Variants in FILIP1 observed in about 807,000 individuals in gnomAD.
The protein encoded by FILIP1 is filamin-A-interacting protein 1.
Under a neutral mutation model 102.1 loss-of-function variants are expected in FILIP1, and 61 were observed. The ratio of observed to expected loss-of-function variants is 0.60; its 90% CI spans 0.49 to 0.74. The LOEUF is 0.74. Ranked by LOEUF, FILIP1 falls within the 30% of genes least tolerant of loss-of-function variation. The pLI is 0.00. For synonymous variants in FILIP1, 491 were observed against 526.9 expected, an observed-to-expected ratio of 0.93 and a Z score of 0.93; for missense variants, 1,314 against 1,441.2, an observed-to-expected ratio of 0.91 and a Z score of 1.43.
At chr6:75,478,049 A>G (rs1315387889) in intron 1 of FILIP1, among the ~76,000 whole-genome samples, 1 of 152,200 alleles carries the variant, frequency 6.6e-6, no homozygotes, top group Non-Finnish European at 1.5e-5. Flanking sequence ...ACTTCTCTTT[A>G]CCTGTGGGTA....
chr6:75,475,021 A>T (rs1172534999), intron 1 of FILIP1, among the ~76,000 whole-genome samples: 1 of 152,098 alleles, frequency 6.6e-6, no homozygotes, highest in Non-Finnish European at 1.5e-5. Flanking sequence ...AGAGCCAAGC[A>T]TATGCCAGCA....
intron 4 of FILIP1, among the ~76,000 whole-genome samples, chr6:75,344,992 C>T (rs1774528590): frequency 6.6e-6 from 1 of 152,180 alleles, no homozygotes. Context: ...TCTAGAGAAA[C>T]TGTGCCAACA....
At chr6:75,402,325 G>C (rs978389027) in intron 2 of FILIP1, among the ~76,000 whole-genome samples, 1 of 152,132 alleles carries the variant, frequency 6.6e-6, no homozygotes, top group African/African-American at 2.4e-5. Flanking sequence ...AATCAGATCT[G>C]GTTCTGATTT....
chr6:75,457,011 G>GA (rs1242976423), intron 1 of FILIP1, among the ~76,000 whole-genome samples: 3 of 152,032 alleles, frequency 2.0e-5, no homozygotes, highest in African/African-American at 7.2e-5. Context: ...GGAAAGCACT[G>GA]AAAAAACCTT....
At chr6:75,306,715 A>G (rs868381368), downstream of FILIP1, among the ~76,000 whole-genome samples, 1 of 151,872 alleles carries the variant, frequency 6.6e-6, no homozygotes, top group African/African-American at 2.4e-5. Flanking sequence ...TCCCATTACT[A>G]TGGCAGGTCT....
chr6:75,351,821 C>T (rs558794051), intron 4 of FILIP1, among the ~76,000 whole-genome samples: 1 of 152,328 alleles, frequency 6.6e-6, no homozygotes, highest in Non-Finnish European at 1.5e-5. Flanking sequence ...AATTTATACT[C>T]TCCTTAGAAC....
chr6:75,305,366 C>T (rs183398089), downstream of FILIP1, among the ~76,000 whole-genome samples: 7 of 152,292 alleles, frequency 4.6e-5, no homozygotes, highest in Admixed American at 2.0e-4. Context: ...TATTCTTAGA[C>T]TTGTTTTCAT....
rs758535010 is a variant in FILIP1, at chr6:75,362,729, G to A, written c.450+15C>T. 2 of 1,609,956 alleles carry A rather than the reference G, an allele frequency of 1.2e-6. No homozygotes were observed. Among genetic ancestry groups the A allele is most frequent in the South Asian group, 1.1e-5 (1 of 91,010 alleles). On this transcript the variant is annotated intron_variant, in intron 3 of 5. Transcript: ENST00000237172. ...AGGTTCCCATCCAGGGGACTTGTTG[G>A]TGTCATATTTTTACCTCTGAAATCG...
At chr6:75,375,776 G>A (rs1425050910) in intron 2 of FILIP1, among the ~76,000 whole-genome samples, 1 of 152,042 alleles carries the variant, frequency 6.6e-6, no homozygotes, top group East Asian at 1.9e-4. Context: ...AATTTCTTTG[G>A]GTTTACTGTG....
At chr6:75,462,169 T>C in intron 1 of FILIP1, among the ~76,000 whole-genome samples, 1 of 152,206 alleles carries the variant, frequency 6.6e-6, no homozygotes, top group East Asian at 1.9e-4. Flanking sequence ...TCTAAGTATC[T>C]CATCTCTTTA....
At chr6:75,396,896 G>C (rs1776478528) in intron 2 of FILIP1, among the ~76,000 whole-genome samples, 1 of 151,744 alleles carries the variant, frequency 6.6e-6, no homozygotes, top group African/African-American at 2.4e-5. Context: ...ACTTCAGGCT[G>C]ACACGTTATG....
intron 1 of FILIP1, among the ~76,000 whole-genome samples, chr6:75,444,190 C>T (rs1489503577): frequency 6.6e-6 from 1 of 152,198 alleles, no homozygotes; most frequent in Non-Finnish European, 1.5e-5. Context: ...TTTTCAGATA[C>T]ATTTCCCTCA....
intron 1 of FILIP1, among the ~76,000 whole-genome samples, chr6:75,453,090 A>T (rs540079760): frequency 6.6e-6 from 1 of 152,350 alleles, no homozygotes; most frequent in African/African-American, 2.4e-5. Flanking sequence ...AGCCAAGGTT[A>T]GTACATCTTG....
chr6:75,461,289 T>G (rs1387846042), intron 1 of FILIP1, among the ~76,000 whole-genome samples: 1 of 152,234 alleles, frequency 6.6e-6, no homozygotes, highest in African/African-American at 2.4e-5. Context: ...AGAAGTTAAG[T>G]AACTTGTTAA....
chr6:75,368,937 G>A (rs1318511054), intron 2 of FILIP1, among the ~76,000 whole-genome samples: 2 of 152,152 alleles, frequency 1.3e-5, no homozygotes, highest in Non-Finnish European at 2.9e-5. Flanking sequence ...CCAGTCTGTT[G>A]GGGCAGGCCA....
chr6:75,324,997 TG>T (rs2149569622), intron 4 of FILIP1, among the ~76,000 whole-genome samples: 1 of 152,248 alleles, frequency 6.6e-6, no homozygotes, highest in South Asian at 2.1e-4. Flanking sequence ...AAGATAACAT[TG>T]GAAAAACTCT....
At chr6:75,302,740 C>A (rs917937118) in intron 6 of FILIP1, among the ~76,000 whole-genome samples, 4 of 151,854 alleles carry the variant, frequency 2.6e-5, no homozygotes, top group African/African-American at 9.7e-5. Flanking sequence ...CAGAGTGCCT[C>A]AAGTACATAG....
At chr6:75,463,230 C>T (rs1195742656) in intron 1 of FILIP1, among the ~76,000 whole-genome samples, 1 of 152,172 alleles carries the variant, frequency 6.6e-6, no homozygotes, top group Admixed American at 6.6e-5. Flanking sequence ...CCCCATACCC[C>T]CCTTTCCCTA....
At chr6:75,482,491 T>C (rs1779674135) in intron 1 of FILIP1, among the ~76,000 whole-genome samples, 1 of 152,180 alleles carries the variant, frequency 6.6e-6, no homozygotes, top group Non-Finnish European at 1.5e-5. Context: ...TTTGGGTTAG[T>C]AGCTGCAATT....
Sources: gnomAD v4.1 joint callset for allele counts (sites outside exome capture counted in the v4.1 genomes callset) on GRCh38, gnomAD v4.1.1 for gene constraint, MANE v1.5 for transcripts, NCBI Gene and HGNC (gene_info 2026-07-23, HGNC 2026-07-21) for gene names.